CLEC16A: variants seen among roughly 807,000 people sequenced by gnomAD.
CLEC16A encodes the protein C-type lectin domain containing 16A, also known as protein CLEC16A.
In CLEC16A, 51 loss-of-function variants were observed where a neutral mutation model predicts 109.5. The ratio of observed to expected loss-of-function variants is 0.47; its 90% CI spans 0.37 to 0.59. CLEC16A has a LOEUF of 0.59. CLEC16A is among the 20% of genes least tolerant of loss of function. The pLI, the probability that CLEC16A is intolerant of heterozygous loss-of-function variation, is 0.00. For synonymous variants in CLEC16A, 673 were observed against 564.2 expected, an observed-to-expected ratio of 1.19 and a Z score of -2.73; for missense variants, 1,339 against 1,394.0, an observed-to-expected ratio of 0.96 and a Z score of 0.63.
intron 3 of CLEC16A, among the ~76,000 whole-genome samples, chr16:10,967,439 G>A (rs185320632): frequency 3.0e-4 from 45 of 152,174 alleles, no homozygotes; most frequent in Admixed American, 7.9e-4. Context: ...TCACCCTGTC[G>A]CCTAGGCTAG....
intron 16 of CLEC16A, among the ~76,000 whole-genome samples, chr16:11,044,778 A>G (rs532967511): frequency 3.9e-5 from 6 of 152,104 alleles, no homozygotes; most frequent in African/African-American, 1.2e-4. Context: ...TAAAAATACA[A>G]AATTAGGCAT....
Position 11,174,824 on chromosome 16 carries a change from A to G in CLEC16A, c.2807-3511A>G, listed in dbSNP as rs999750697. The stretch of plus-strand genomic sequence containing the variant: ...AGCCATTTCCCTCATAGACACATGG[A>G]TGGATGTGGCCCCACCATCTCCCTT... On this transcript the variant is annotated intron_variant, in intron 23 of 23. Coordinates refer to ENST00000409790, the MANE Select transcript of CLEC16A (RefSeq NM_015226.3). This position sits in a 1 kb window ranked among gnomAD's most constrained non-coding sequence, Gnocchi z 4.7. 2.0e-5 allele frequency among the ~76,000 whole-genome samples: 3 copies of G among 152,238 alleles called. No homozygotes were observed. Among genetic ancestry groups the G allele is most frequent in the African/African-American group, 7.2e-5 (3 of 41,452 alleles).
At chr16:11,053,915 A>C (rs1278859318) in intron 18 of CLEC16A, among the ~76,000 whole-genome samples, 1 of 152,252 alleles carries the variant, frequency 6.6e-6, no homozygotes, top group Non-Finnish European at 1.5e-5. Context: ...CAAAGTGGGA[A>C]GAGACAGTGG....
intron 22 of CLEC16A, among the ~76,000 whole-genome samples, chr16:11,148,512 G>C (rs533700211): frequency 4.6e-5 from 7 of 152,322 alleles, no homozygotes; most frequent in African/African-American, 1.7e-4. Context: ...AATGATGTAT[G>C]ACATAGGGAT....
intron 22 of CLEC16A, among the ~76,000 whole-genome samples, chr16:11,129,143 T>G (rs1470986006): frequency 6.6e-6 from 1 of 152,192 alleles, no homozygotes; most frequent in Non-Finnish European, 1.5e-5. Flanking sequence ...TTCTCAGAGT[T>G]TTAGCCTCAG....
intron 3 of CLEC16A, among the ~76,000 whole-genome samples, chr16:10,965,362 T>C (rs3907722): frequency 6.6e-6 from 1 of 152,208 alleles, no homozygotes; most frequent in Non-Finnish European, 1.5e-5. Context: ...ATGTCCTCAT[T>C]GTTAAATAAC....
At chr16:10,950,551 G>A (rs2041675521) in intron 1 of CLEC16A, among the ~76,000 whole-genome samples, 1 of 152,166 alleles carries the variant, frequency 6.6e-6, no homozygotes, top group South Asian at 2.1e-4. Context: ...GACATCTTTG[G>A]GGGATGATTC....
intron 18 of CLEC16A, among the ~76,000 whole-genome samples, chr16:11,056,222 C>T (rs1213126386): frequency 6.6e-6 from 1 of 152,154 alleles, no homozygotes; most frequent in African/African-American, 2.4e-5. Flanking sequence ...CGGGTCAAAT[C>T]CCAACTCCAG....
At chr16:11,063,316 A>G (rs2048591235) in intron 19 of CLEC16A, among the ~76,000 whole-genome samples, 1 of 127,314 alleles carries the variant, frequency 7.9e-6, no homozygotes, top group Non-Finnish European at 1.6e-5. Flanking sequence ...GGGATTGTAA[A>G]TGCTGGAGCT....
chr16:11,094,351 G>A (rs1471400007), intron 19 of CLEC16A, among the ~76,000 whole-genome samples: 1 of 152,212 alleles, frequency 6.6e-6, no homozygotes, highest in Non-Finnish European at 1.5e-5. Flanking sequence ...TAAGTTTCCA[G>A]CCCTAAGGTG....
At chr16:11,125,690 T>C (rs1205534321) in intron 21 of CLEC16A, among the ~76,000 whole-genome samples, 1 of 152,184 alleles carries the variant, frequency 6.6e-6, no homozygotes. Context: ...AAAGTGGAAA[T>C]TGACCCAGCT....
intron 13 of CLEC16A, chr16:11,026,993 GC>G (rs2046443588): frequency 6.4e-7 from 1 of 1,556,384 alleles, no homozygotes; most frequent in East Asian, 2.2e-5. Flanking sequence ...TGGTGGGGTT[GC>G]GCATGATCAG....
rs1402006201 is a variant in CLEC16A, at chr16:10,993,336, A to G, written c.1072-9738A>G. ...GGAGGTTGCAGTGAGCCATGATCAC[A>G]CCACTGCACTCCAGCCTGGGCAATA... On this transcript the variant is annotated intron_variant, in intron 10 of 23. Coordinates refer to ENST00000409790, the MANE Select transcript of CLEC16A (RefSeq NM_015226.3). Among the ~76,000 whole-genome samples the G allele has an allele frequency of 2.6e-5, 4 of 152,168 alleles. No individual in the cohort carries two copies. In the South Asian group the frequency reaches 6.2e-4, roughly 24 times the overall value.
intron 22 of CLEC16A, among the ~76,000 whole-genome samples, chr16:11,157,850 C>T (rs976798062): frequency 8.5e-5 from 13 of 152,170 alleles, no homozygotes; most frequent in African/African-American, 3.1e-4. Context: ...GGTAGCCCCC[C>T]ACTGAGTAGC....
chr16:11,008,870 G>A (rs1260866074), intron 11 of CLEC16A, among the ~76,000 whole-genome samples: 3 of 151,412 alleles, frequency 2.0e-5, no homozygotes, highest in African/African-American at 7.3e-5. Flanking sequence ...GTGGTGGCGG[G>A]CACCTGTAGT....
chr16:10,992,637 A>G (rs1388255458), intron 10 of CLEC16A, among the ~76,000 whole-genome samples: 1 of 151,988 alleles, frequency 6.6e-6, no homozygotes, highest in Non-Finnish European at 1.5e-5. Context: ...TTCTGACATG[A>G]GCAGAATGTG....
chr16:10,947,586 G>T (rs2041458552), intron 1 of CLEC16A, among the ~76,000 whole-genome samples: 1 of 152,206 alleles, frequency 6.6e-6, no homozygotes, highest in Non-Finnish European at 1.5e-5. Context: ...GGTGGGGGCT[G>T]ATAGCTGTGG....
At chr16:11,176,393 C>G (rs2068746807) in intron 23 of CLEC16A, among the ~76,000 whole-genome samples, 1 of 152,142 alleles carries the variant, frequency 6.6e-6, no homozygotes, top group African/African-American at 2.4e-5. Flanking sequence ...CAGTGGTTTC[C>G]TCTAGATCTC....
Position 11,020,210 on chromosome 16 carries a change from A to G in CLEC16A, c.1321A>G (p.Met441Val), listed in dbSNP as rs1262017214. Residue 441 changes from methionine to valine, a missense_variant, in exon 12 of 24, where the codon ATG (methionine) becomes GTG (valine). This residue lies in a region of CLEC16A where 1,061 missense variants were observed against 1,006.8 expected (regional missense o/e 1.05). Transcript: ENST00000409790. ...GCTTCCAGAGATCGAGATGGTGATC[A>G]TGGAGCGTAGCAAGCTCTCAGAGCT... ...GESEEIEMVI[M>V]ERSKLSELAA... is the part of the protein sequence containing the mutation. The G allele has an allele frequency of 6.2e-7, 1 of 1,612,626 alleles. No individual in the cohort carries two copies. The highest frequency in any genetic ancestry group is 8.5e-7 in the Non-Finnish European group (1 of 1,179,174).
Sources: allele counts gnomAD v4.1 joint callset (sites outside exome capture counted in the v4.1 genomes callset), GRCh38; gene constraint gnomAD v4.1.1; regional missense constraint gnomAD v4.1.1; non-coding constraint Gnocchi (gnomAD v3.1); transcripts MANE v1.5; gene names NCBI Gene and HGNC (gene_info 2026-07-23, HGNC 2026-07-21).